The following CSMD3 variants were observed in gnomAD, a reference collection of about 807,000 sequenced individuals.
CSMD3 encodes CUB and Sushi multiple domains 3, also known as CUB and sushi domain-containing protein 3.
Under a neutral mutation model 435.2 loss-of-function variants are expected in CSMD3, and 177 were observed. The observed-to-expected ratio is 0.41, with a 90% CI of 0.36 to 0.46. The LOEUF (loss-of-function observed/expected upper bound fraction) is 0.46. Among genes scored for constraint, CSMD3 ranks in the 20% least tolerant of loss-of-function variants. CSMD3 has a pLI of 0.34. For missense variants in CSMD3, 4,265 were observed against 4,504.6 expected (o/e 0.95, Z 1.52); for synonymous variants, 1,656 against 1,520.5 (o/e 1.09, Z -2.07).
intron 2 of CSMD3, among the ~76,000 whole-genome samples, chr8:113,289,082 G>T (rs2093666189): frequency 6.6e-6 from 1 of 151,258 alleles, no homozygotes; most frequent in Non-Finnish European, 1.5e-5. Flanking sequence ...ACATTGGGCA[G>T]GTTACTTGCC....
At chr8:113,190,686 T>G (rs553948612) in intron 3 of CSMD3, among the ~76,000 whole-genome samples, 69 of 87,822 alleles carry the variant, frequency 7.9e-4, no homozygotes, top group African/African-American at 5.2e-3. Context: ...TTTACTCTGG[T>G]TTTTTTTTTT....
chr8:112,296,934 T>C (rs2130724423), intron 53 of CSMD3, among the ~76,000 whole-genome samples: 1 of 151,862 alleles, frequency 6.6e-6, no homozygotes, highest in African/African-American at 2.4e-5. Flanking sequence ...ATTAAAAGAA[T>C]AAGGGAATGC....
intron 13 of CSMD3, among the ~76,000 whole-genome samples, chr8:112,719,989 T>G (rs2076822341): frequency 6.6e-6 from 1 of 152,170 alleles, no homozygotes; most frequent in South Asian, 2.1e-4. Context: ...AGAACCTATC[T>G]TTCTCACCTT....
chr8:112,666,458 T>C (rs1319720616), intron 16 of CSMD3, 43 bp from the exon 17 acceptor site: 1 of 1,568,402 alleles, frequency 6.4e-7, no homozygotes, highest in Non-Finnish European at 8.7e-7. Context: ...ACATTCAAGA[T>C]AAATCGCAGA....
intron 1 of CSMD3, among the ~76,000 whole-genome samples, chr8:113,339,683 C>T (rs918345167): frequency 5.3e-5 from 8 of 151,700 alleles, no homozygotes; most frequent in Non-Finnish European, 1.0e-4. Flanking sequence ...ACTATTTTTT[C>T]TTCTGTTTCT....
intron 10 of CSMD3, among the ~76,000 whole-genome samples, chr8:112,872,400 G>A (rs1450081944): frequency 1.3e-5 from 2 of 151,856 alleles, no homozygotes; most frequent in Admixed American, 6.6e-5. Flanking sequence ...TAGGGAACTC[G>A]AAAACAGAAA....
intron 41 of CSMD3, among the ~76,000 whole-genome samples, chr8:112,345,854 T>A (rs1825616834): frequency 6.8e-6 from 1 of 147,646 alleles, no homozygotes; most frequent in South Asian, 2.1e-4. Flanking sequence ...TAAAAAATAA[T>A]AAATCAGAGT....
intron 42 of CSMD3, among the ~76,000 whole-genome samples, chr8:112,340,634 T>C (rs1002343696): frequency 2.0e-5 from 3 of 152,098 alleles, no homozygotes; most frequent in African/African-American, 7.2e-5. Flanking sequence ...TTTCAGCCAT[T>C]AGAAATAAAC....
rs982991034 is a variant in CSMD3, at chr8:112,996,849, C to T, written c.1031-20701G>A. On this transcript the variant is annotated intron_variant, in intron 6 of 70. Coordinates refer to ENST00000297405, the MANE Select transcript of CSMD3 (RefSeq NM_198123.2). ...AGTATTTCTGAATTCTGAAAAATAC[C>T]AATCAAGAGAAAAATAGTATAATAA... Among the ~76,000 whole-genome samples the T allele has an allele frequency of 2.6e-5, 4 of 151,446 alleles. No homozygotes were observed. In the East Asian group the frequency reaches 7.7e-4, roughly 29 times the overall value.
intron 4 of CSMD3, among the ~76,000 whole-genome samples, chr8:113,117,371 C>T (rs2090862214): frequency 6.6e-6 from 1 of 152,168 alleles, no homozygotes; most frequent in Non-Finnish European, 1.5e-5. Context: ...TGAGGGTACA[C>T]AGAAGTCAAG....
At chr8:113,411,530 C>G (rs1410418644) in intron 1 of CSMD3, among the ~76,000 whole-genome samples, 1 of 152,120 alleles carries the variant, frequency 6.6e-6, no homozygotes, top group Admixed American at 6.6e-5. Context: ...TGATGACATT[C>G]TTTCAAAGCT....
chr8:112,469,483 T>C (rs1168574379), intron 32 of CSMD3, among the ~76,000 whole-genome samples: 2 of 152,182 alleles, frequency 1.3e-5, no homozygotes, highest in Non-Finnish European at 2.9e-5. Flanking sequence ...AATCAGTGGT[T>C]CCCAACCTTT....
chr8:113,061,912 T>G (rs1290881714), intron 5 of CSMD3, among the ~76,000 whole-genome samples: 1 of 151,902 alleles, frequency 6.6e-6, no homozygotes, highest in Admixed American at 6.6e-5. Context: ...TAATTGTAAT[T>G]ATTTCATTAT....
intron 27 of CSMD3, among the ~76,000 whole-genome samples, chr8:112,535,135 A>G (rs1477710897): frequency 2.6e-5 from 4 of 151,580 alleles, no homozygotes; most frequent in Non-Finnish European, 5.9e-5. Context: ...CTCTCTCACC[A>G]CTCCTATTCA....
At chr8:113,231,864 T>A (rs1301099992) in intron 3 of CSMD3, among the ~76,000 whole-genome samples, 1 of 151,424 alleles carries the variant, frequency 6.6e-6, no homozygotes, top group Non-Finnish European at 1.5e-5. Context: ...CTATTAACAG[T>A]GTTTACCAGT....
chr8:112,683,675 A>G (rs1184528639), intron 15 of CSMD3, among the ~76,000 whole-genome samples: 1 of 152,040 alleles, frequency 6.6e-6, no homozygotes, highest in Non-Finnish European at 1.5e-5. Flanking sequence ...ATATTTAAAG[A>G]GGCAAGGTCT....
At chr8:112,355,615 C>G (rs557632536) in intron 38 of CSMD3, among the ~76,000 whole-genome samples, 1 of 152,014 alleles carries the variant, frequency 6.6e-6, no homozygotes, top group Non-Finnish European at 1.5e-5. Context: ...AGGTGCATCA[C>G]GAGGTTAGGA....
chr8:112,453,222 T>C (rs1483401284), intron 32 of CSMD3, among the ~76,000 whole-genome samples: 1 of 152,016 alleles, frequency 6.6e-6, no homozygotes, highest in Non-Finnish European at 1.5e-5. Flanking sequence ...AGTATGCTTA[T>C]TCTCACCACC....
intron 13 of CSMD3, among the ~76,000 whole-genome samples, chr8:112,721,924 T>G (rs2076866836): frequency 1.3e-5 from 2 of 152,148 alleles, no homozygotes; most frequent in South Asian, 4.1e-4. Flanking sequence ...TTGGTCAAGA[T>G]GCAGGGATCT....
Sources: gnomAD v4.1 joint callset for allele counts (sites outside exome capture counted in the v4.1 genomes callset) on GRCh38, gnomAD v4.1.1 for gene constraint, MANE v1.5 for transcripts, NCBI Gene and HGNC (gene_info 2026-07-23, HGNC 2026-07-21) for gene names.